Variants in SLC16A1 observed in about 807,000 individuals in gnomAD.
SLC16A1 encodes monocarboxylate transporter 1.
In SLC16A1, 11 loss-of-function variants were observed where a neutral mutation model predicts 32.2. The ratio of observed to expected loss-of-function variants is 0.34; its 90% CI spans 0.21 to 0.56. The LOEUF (loss-of-function observed/expected upper bound fraction) is 0.56. SLC16A1 is among the 20% of genes least tolerant of loss of function. SLC16A1 has a pLI of 0.87. For synonymous variants in SLC16A1, 231 were observed against 226.8 expected (o/e 1.02, Z -0.17); for missense variants, 435 against 615.0 (o/e 0.71, Z 3.10).
At chr1:112,924,422 C>G in intron 2 of SLC16A1, 1 of 986,354 alleles carries the variant, frequency 1.0e-6, no homozygotes. Context: ...TTAGAAGTGC[C>G]TCAGTAAATT....
chr1:112,911,894 T>G lies in SLC16A1; in HGVS notation c.*1997A>C, dbSNP rs533605414. The G allele has an allele frequency of 6.6e-6, 1 of 152,366 alleles. No homozygotes were observed. Among genetic ancestry groups the G allele is most frequent in the South Asian group, 2.1e-4 (1 of 4,830 alleles). 9.4% of individuals were successfully genotyped at this position (152,366 alleles called of 1,614,324 possible). On this transcript the variant is annotated 3_prime_UTR_variant, in exon 5 of 5. Coordinates refer to ENST00000369626, the MANE Select transcript of SLC16A1 (RefSeq NM_003051.4). ...TTTTTCAGATTTCCTTTACTTACATTCCTTATTCCCTCACCAACAGTAATC... is the reference window on the plus strand; with the variant it reads ...TTTTTCAGATTTCCTTTACTTACATGCCTTATTCCCTCACCAACAGTAATC...
intron 1 of SLC16A1, among the ~76,000 whole-genome samples, chr1:112,950,220 C>T (rs768027818): frequency 6.6e-6 from 1 of 152,096 alleles, no homozygotes; most frequent in African/African-American, 2.4e-5. Context: ...ATGCAGACCC[C>T]AGGATAAAAA....
At chr1:112,952,306 G>C (rs531135954) in intron 1 of SLC16A1, among the ~76,000 whole-genome samples, 2 of 152,276 alleles carry the variant, frequency 1.3e-5, no homozygotes, top group Non-Finnish European at 2.9e-5. Flanking sequence ...AATTGCCATT[G>C]AAAGTAATGG....
Position 112,912,873 on chromosome 1 carries a change from A to AAAT in SLC16A1, c.*1017_*1018insATT, listed in dbSNP as rs1648372639. On this transcript the variant is annotated 3_prime_UTR_variant, in exon 5 of 5. Transcript: ENST00000369626. ...TATCTCACACATAGCACTAAGCTAGAAGCAGATATAAATGGGACCACTGTG... is the reference window on the plus strand; with the variant it reads ...TATCTCACACATAGCACTAAGCTAGAAATAGCAGATATAAATGGGACCACTGTG... The AAAT allele has an allele frequency of 6.6e-6, 1 of 152,114 alleles. No homozygotes were observed. Among genetic ancestry groups the AAAT allele is most frequent in the Non-Finnish European group, 1.5e-5 (1 of 68,004 alleles). 9.4% of individuals were successfully genotyped at this position (152,114 alleles called of 1,614,324 possible). A position where few individuals can be genotyped will look rare whatever the true frequency, so the allele number is the denominator to read the frequency against.
chr1:112,922,420 A>G (rs907079645), intron 2 of SLC16A1: 13 of 426,264 alleles, frequency 3.0e-5, no homozygotes, highest in Middle Eastern at 7.1e-4. Context: ...GGCAGGCTGA[A>G]AACACCTTGG....
intron 4 of SLC16A1, among the ~76,000 whole-genome samples, chr1:112,916,284 G>C (rs559118543): frequency 2.0e-5 from 3 of 151,302 alleles, no homozygotes; most frequent in African/African-American, 7.3e-5. Flanking sequence ...TGGACCACCT[G>C]AGGTTAGGAG....
intron 1 of SLC16A1, among the ~76,000 whole-genome samples, chr1:112,945,120 T>A (rs1178965903): frequency 1.3e-5 from 2 of 151,134 alleles, no homozygotes; most frequent in African/African-American, 4.9e-5. Context: ...TGCCTTAGCC[T>A]CCTAAATAGC....
chr1:112,928,193 C>T (rs1028571560), intron 2 of SLC16A1, among the ~76,000 whole-genome samples: 4 of 152,314 alleles, frequency 2.6e-5, no homozygotes, highest in Non-Finnish European at 5.9e-5. Flanking sequence ...TTCTCTTTCT[C>T]CATGGCAGCC....
intron 4 of SLC16A1, 55 bp from the exon 5 acceptor site, chr1:112,914,220 TCC>T (rs1329729688): frequency 6.3e-7 from 1 of 1,595,246 alleles, no homozygotes; most frequent in Non-Finnish European, 8.6e-7. Context: ...AGTTTTTTTT[TCC>T]CCCAAGCAAA....
At chr1:112,929,551 T>G (rs1649056014) in intron 1 of SLC16A1, among the ~76,000 whole-genome samples, 199 bp from the exon 2 acceptor site, 1 of 151,420 alleles carries the variant, frequency 6.6e-6, no homozygotes, top group African/African-American at 2.4e-5. Flanking sequence ...TCTAAGAAAA[T>G]TTTTAAAAAA....
chr1:112,922,529 T>C (rs1648772483), intron 2 of SLC16A1: 1 of 244,844 alleles, frequency 4.1e-6, no homozygotes, highest in South Asian at 5.1e-5. Flanking sequence ...ATCCCAGCAC[T>C]TTGGGAGGCT....
At chr1:112,923,870 C>A in intron 2 of SLC16A1, 1 of 1,516,930 alleles carries the variant, frequency 6.6e-7, no homozygotes, top group Non-Finnish European at 9.1e-7. Context: ...TGTACAACGC[C>A]ACCACCCAGC....
intron 1 of SLC16A1, among the ~76,000 whole-genome samples, chr1:112,942,967 T>C (rs749904080): frequency 1.3e-5 from 2 of 151,310 alleles, no homozygotes; most frequent in Non-Finnish European, 2.9e-5. Flanking sequence ...TGTGTGTATA[T>C]ATTTACTTAT....
chr1:112,923,398 G>A, intron 2 of SLC16A1: 1 of 627,496 alleles, frequency 1.6e-6, no homozygotes, highest in Non-Finnish European at 2.9e-6. Context: ...CTCCCGGGCT[G>A]TCGCAGTCTC....
At position 112,922,094 on chromosome 1, in the gene SLC16A1, C is replaced by A. The variant is rs1241100810; in HGVS notation, c.257G>T (p.Arg86Leu). 3 of 1,613,962 alleles carry A rather than the reference C, an allele frequency of 1.9e-6. No individual in the cohort carries two copies. Among genetic ancestry groups the A allele is most frequent in the Admixed American group, 1.7e-5 (1 of 59,996 alleles). The change falls in exon 3 of 5, where the codon CGT becomes CTT. Residue 86 changes from arginine (R) to leucine (L), a missense_variant. Around this residue, in one of 2 missense-constraint regions of SLC16A1, gnomAD observed 324 missense variants for 500.3 expected, o/e 0.65. Coordinates refer to ENST00000369626, the MANE Select transcript of SLC16A1 (RefSeq NM_003051.4). ...GCAGCCACCAACAATCATGACTATACGACTTCCATATTTATTCACCAGGAT... is the reference window on the plus strand; with the variant it reads ...GCAGCCACCAACAATCATGACTATAAGACTTCCATATTTATTCACCAGGAT... ...SSILVNKYGS[R>L]IVMIVGGCLS...
intron 1 of SLC16A1, among the ~76,000 whole-genome samples, chr1:112,947,505 G>A (rs1649745461): frequency 6.6e-6 from 1 of 152,160 alleles, no homozygotes; most frequent in Non-Finnish European, 1.5e-5. Context: ...CTTGCAAAGA[G>A]CTAAATTGAA....
chr1:112,944,554 G>A (rs1386202669), intron 1 of SLC16A1, among the ~76,000 whole-genome samples: 1 of 152,180 alleles, frequency 6.6e-6, no homozygotes, highest in Admixed American at 6.5e-5. Context: ...AAATTTACCT[G>A]TCATTCTACC....
chr1:112,937,775 T>C (rs931131578), intron 1 of SLC16A1, among the ~76,000 whole-genome samples: 5 of 152,192 alleles, frequency 3.3e-5, no homozygotes, highest in Non-Finnish European at 7.3e-5. Context: ...GTAGCTTTCC[T>C]ATCAGCTTAG....
chr1:112,931,296 T>C (rs1649118573), intron 1 of SLC16A1, among the ~76,000 whole-genome samples: 1 of 152,132 alleles, frequency 6.6e-6, no homozygotes, highest in South Asian at 2.1e-4. Flanking sequence ...AAGAAACTCC[T>C]AAACAACAGC....
Sources: allele counts gnomAD v4.1 joint callset (sites outside exome capture counted in the v4.1 genomes callset), GRCh38; gene constraint gnomAD v4.1.1; regional missense constraint gnomAD v4.1.1; transcripts MANE v1.5; gene names NCBI Gene and HGNC (gene_info 2026-07-23, HGNC 2026-07-21).